The following ANO2 variants were observed in gnomAD, a reference collection of about 807,000 sequenced individuals.
ANO2 encodes the protein anoctamin 2.
Under a neutral mutation model 124.2 loss-of-function variants are expected in ANO2, and 101 were observed. The ratio of observed to expected loss-of-function variants is 0.81; its 90% CI spans 0.69 to 0.96. ANO2 has a LOEUF of 0.96. Ranked by LOEUF, ANO2 falls within the 40% of genes least tolerant of loss-of-function variation. The probability of loss-of-function intolerance (pLI) is 0.00; values close to 1 mark genes in which losing one functional copy is unlikely to be tolerated. For missense variants in ANO2, 1,293 were observed against 1,274.5 expected, an observed-to-expected ratio of 1.01 and a Z score of -0.22; for synonymous variants, 486 against 482.5, an observed-to-expected ratio of 1.01 and a Z score of -0.09.
chr12:5,909,555 C>G (rs1052289932), intron 3 of ANO2, among the ~76,000 whole-genome samples: 1 of 152,180 alleles, frequency 6.6e-6, no homozygotes, highest in Admixed American at 6.5e-5. Context: ...GGTCCTAGAA[C>G]CCAGGTCTTC....
chr12:5,688,810 C>CT (rs36091783), intron 14 of ANO2, among the ~76,000 whole-genome samples: 49,155 of 119,316 alleles, frequency 0.41, 11,851 homozygotes, highest in East Asian at 0.62. Context: ...TGGGAGTATC[C>CT]TTTTTTTTTT....
chr12:5,599,364 C>A, intron 20 of ANO2, 120 bp downstream of exon 20: 1 of 1,224,236 alleles, frequency 8.2e-7, no homozygotes, highest in Non-Finnish European at 1.1e-6. Context: ...AGCCATGAAG[C>A]TCATGAAGAA....
chr12:5,836,764 C>T (rs983290182), intron 4 of ANO2: 15 of 154,394 alleles, frequency 9.7e-5, no homozygotes, highest in Middle Eastern at 5.1e-4. Flanking sequence ...ACTGAGGTCT[C>T]GTGTTATTGT....
In ANO2 at chr12:5,796,124, C is replaced by G. The variant is rs1473449697; in HGVS notation, c.1055+3383G>C. Among the ~76,000 whole-genome samples, 3 of 152,006 alleles carry G rather than the reference C, an allele frequency of 2.0e-5. No individual in the cohort carries two copies. In the South Asian group the frequency reaches 6.2e-4, roughly 32 times the overall value. On this transcript the variant is annotated intron_variant, in intron 10 of 24. Transcript: ENST00000682330. ...TCTCTAGGGAACTTTCCAGAGAGCT[C>G]TCACACACACACTCACACACACACA... is the stretch of plus-strand genomic sequence containing the variant.
chr12:5,571,073 ACCTGCAGGAAAACCTGGCAGAAGC>A (rs1453323788), intron 23 of ANO2, among the ~76,000 whole-genome samples: 1 of 152,152 alleles, frequency 6.6e-6, no homozygotes, highest in Non-Finnish European at 1.5e-5. Context: ...AGCCCTTAGG[ACCTGCAGGAAAACCTGGCAGAAGC>A]CATCCACAGA....
chr12:5,850,399 G>A (rs1239257749), intron 4 of ANO2, among the ~76,000 whole-genome samples: 2 of 128,792 alleles, frequency 1.6e-5, no homozygotes, highest in African/African-American at 5.8e-5. Context: ...CTGGGTGACA[G>A]AGGGACACTC....
chr12:5,616,776 A>G (rs1398250829), intron 16 of ANO2, among the ~76,000 whole-genome samples: 1 of 152,184 alleles, frequency 6.6e-6, no homozygotes, highest in East Asian at 1.9e-4. Flanking sequence ...CACCTTATAC[A>G]GAAATCCTTT....
chr12:5,700,284 A>T (rs1048175426), intron 14 of ANO2, among the ~76,000 whole-genome samples: 1 of 152,240 alleles, frequency 6.6e-6, no homozygotes, highest in African/African-American at 2.4e-5. Context: ...GGATTAAGAA[A>T]TTCACTCAAA....
At chr12:5,817,210 G>T (rs993684732) in intron 7 of ANO2, among the ~76,000 whole-genome samples, 2 of 152,108 alleles carry the variant, frequency 1.3e-5, no homozygotes, top group African/African-American at 4.8e-5. Context: ...GCTAACAGCC[G>T]CTTATTTCAT....
chr12:5,693,410 C>T (rs545367082), intron 14 of ANO2, among the ~76,000 whole-genome samples: 12 of 152,266 alleles, frequency 7.9e-5, no homozygotes, highest in Admixed American at 6.5e-4. Flanking sequence ...AGCACCTGAA[C>T]CTGTCTCACC....
intron 23 of ANO2, among the ~76,000 whole-genome samples, chr12:5,574,831 C>T (rs949358367): frequency 6.6e-6 from 1 of 152,218 alleles, no homozygotes; most frequent in African/African-American, 2.4e-5. Flanking sequence ...CTTCCTATTG[C>T]ATCACATTCT....
At chr12:5,809,293 C>T (rs1454972354) in intron 7 of ANO2, among the ~76,000 whole-genome samples, 1 of 151,986 alleles carries the variant, frequency 6.6e-6, no homozygotes, top group African/African-American at 2.4e-5. Context: ...AGTCCCAAGC[C>T]GGGAGGGGAG....
At chr12:5,624,517 T>C (rs1945297974) in intron 16 of ANO2, among the ~76,000 whole-genome samples, 1 of 152,110 alleles carries the variant, frequency 6.6e-6, no homozygotes, top group South Asian at 2.1e-4. Flanking sequence ...GTCTAAAACC[T>C]GAGGGAGGAG....
At chr12:5,897,845 G>T (rs191414655) in intron 3 of ANO2, among the ~76,000 whole-genome samples, 1 of 152,074 alleles carries the variant, frequency 6.6e-6, no homozygotes, top group African/African-American at 2.4e-5. Flanking sequence ...TTGGATAGGT[G>T]ATAATTTCTT....
rs568151743 is a variant in ANO2, at chr12:5,865,639, C to T, written c.535-11498G>A. 1.2e-4 allele frequency among the ~76,000 whole-genome samples: 18 copies of T among 149,790 alleles called. No homozygotes were observed. The East Asian group carries it at 3.6e-3, about 30-fold the overall frequency. On this transcript the variant is annotated intron_variant, in intron 3 of 24. Transcript: ENST00000682330. ...CCATCATGCCATCACACCATCATACCATCACACCATCATGCATTCACGCTA... is the reference window on the plus strand; with the variant it reads ...CCATCATGCCATCACACCATCATACTATCACACCATCATGCATTCACGCTA...
Position 5,672,784 on chromosome 12 carries a change from T to C in ANO2, c.1546-24983A>G, listed in dbSNP as rs185328503. 3.8e-3 allele frequency among the ~76,000 whole-genome samples: 579 copies of C among 152,296 alleles called. 6 individuals carry two copies. Among genetic ancestry groups the C allele is most frequent in the African/African-American group, 0.013 (539 of 41,572 alleles). On this transcript the variant is annotated intron_variant, in intron 14 of 24. Coordinates refer to ENST00000682330, the MANE Select transcript of ANO2 (RefSeq NM_001364791.2). Reference sequence around the variant, plus strand: ...CTAGAAATGAACAATTTAAGGATAGTTTGGGAGCACTTAGAAAAAAAATTA... The same window carrying C: ...CTAGAAATGAACAATTTAAGGATAGCTTGGGAGCACTTAGAAAAAAAATTA...
chr12:5,642,960 T>G (rs913126724), intron 15 of ANO2, among the ~76,000 whole-genome samples: 3 of 152,174 alleles, frequency 2.0e-5, no homozygotes, highest in African/African-American at 7.2e-5. Context: ...TCCAGATCCT[T>G]GATAAAATGT....
At chr12:5,657,526 A>T (rs1947219819) in intron 14 of ANO2, among the ~76,000 whole-genome samples, 1 of 149,982 alleles carries the variant, frequency 6.7e-6, no homozygotes, top group Non-Finnish European at 1.5e-5. Flanking sequence ...TTGAAATAGG[A>T]TCTTGTTCTG....
chr12:5,610,032 TAGATAA>T (rs1220178512), intron 19 of ANO2, among the ~76,000 whole-genome samples: 1 of 138,214 alleles, frequency 7.2e-6, no homozygotes, highest in East Asian at 2.1e-4. Context: ...ATTTATATTA[TAGATAA>T]ATATAAATAT....
Sources: gnomAD v4.1 joint callset for allele counts (sites outside exome capture counted in the v4.1 genomes callset) on GRCh38, gnomAD v4.1.1 for gene constraint, MANE v1.5 for transcripts, NCBI Gene and HGNC (gene_info 2026-07-23, HGNC 2026-07-21) for gene names.